Variants in FBN3 observed in about 807,000 individuals in gnomAD.
The protein encoded by FBN3 is fibrillin 3, also known as fibrillin-3.
A neutral mutation model predicts 330.1 loss-of-function variants in FBN3; 234 were observed. The ratio of observed to expected loss-of-function variants is 0.71; its 90% CI spans 0.64 to 0.79. The LOEUF is 0.79. Among genes scored for constraint, FBN3 ranks in the 30% least tolerant of loss-of-function variants. The pLI is 0.00. For synonymous variants in FBN3, 1,458 were observed against 1,517.3 expected, an observed-to-expected ratio of 0.96 and a Z score of 0.91; for missense variants, 3,606 against 3,886.9, an observed-to-expected ratio of 0.93 and a Z score of 1.92.
intron 8 of FBN3, among the ~76,000 whole-genome samples, chr19:8,138,883 C>T (rs2083349332): frequency 6.6e-6 from 1 of 151,882 alleles, no homozygotes; most frequent in Non-Finnish European, 1.5e-5. Context: ...CTCATGTCTA[C>T]TAAAAATACA....
chr19:8,118,868 C>T, intron 26 of FBN3, 29 bp downstream of exon 26: 1 of 1,594,122 alleles, frequency 6.3e-7, no homozygotes, highest in Non-Finnish European at 8.6e-7. Flanking sequence ...GGCTAACACT[C>T]ACACTTGCAC....
rs2082600909 is a variant in FBN3, at chr19:8,112,056, G to A, written c.3882C>T (p.His1294=). The A allele has an allele frequency of 1.2e-6, 2 of 1,613,152 alleles. No homozygotes were observed. Among genetic ancestry groups the A allele is most frequent in the Admixed American group, 1.7e-5 (1 of 59,906 alleles). ...CEVGGHNCDS[H]ASCLNIPGSF... Reference sequence around the variant, plus strand: ...TCCCCGGGATGTTGAGACAGGAGGCGTGACTGTCACAGTTGTGTCCTCCAA... The same window carrying A: ...TCCCCGGGATGTTGAGACAGGAGGCATGACTGTCACAGTTGTGTCCTCCAA... Residue 1294 remains histidine (H), a synonymous_variant, in exon 31 of 64, where the codon CAC becomes CAT. Coordinates refer to ENST00000600128, the MANE Select transcript of FBN3 (RefSeq NM_032447.5).
intron 62 of FBN3, among the ~76,000 whole-genome samples, chr19:8,072,804 G>A (rs904559672): frequency 6.6e-6 from 1 of 152,146 alleles, no homozygotes; most frequent in Admixed American, 6.5e-5. Context: ...ACGGGTGTGT[G>A]CCATGTGGAC....
intron 40 of FBN3, 61 bp from the exon 41 acceptor site, chr19:8,101,033 A>G (rs767786115): frequency 8.6e-6 from 12 of 1,402,400 alleles, no homozygotes; most frequent in East Asian, 2.4e-5. Flanking sequence ...CCCGCTCCCA[A>G]TCTGGAGGGG....
chr19:8,085,190 C>A (rs575819339), intron 56 of FBN3, among the ~76,000 whole-genome samples, 173 bp downstream of exon 56: 3 of 151,202 alleles, frequency 2.0e-5, no homozygotes, highest in Non-Finnish European at 1.5e-5. Flanking sequence ...ATGGTGCACA[C>A]GTACTGGTTC....
At chr19:8,076,188 AT>A (rs1367352205) in intron 59 of FBN3, among the ~76,000 whole-genome samples, 1 of 151,836 alleles carries the variant, frequency 6.6e-6, no homozygotes, top group Non-Finnish European at 1.5e-5. Context: ...AGCTTCCAGA[AT>A]GGAAAAAAAA....
chr19:8,072,057 CCT>C lies in FBN3; in HGVS notation c.8077_8078del (p.Arg2693GlyfsTer10). 6.2e-7 allele frequency: 1 copy of C among 1,611,920 alleles called. No individual in the cohort carries two copies. Among genetic ancestry groups the C allele is most frequent in the Non-Finnish European group, 8.5e-7 (1 of 1,179,672 alleles). ...PRDRPRRSAH[R>X]DHQVNLATLD... Reference sequence around the variant, plus strand: ...GCAGCACCCATGTCACCTGGTGGTCCCTGTGGGCACTGCGTCGTGGCCGGTCC... The same window carrying C: ...GCAGCACCCATGTCACCTGGTGGTCCGTGGGCACTGCGTCGTGGCCGGTCC... On this transcript the variant is annotated frameshift_variant, in exon 63 of 64. Transcript: ENST00000600128. LOFTEE classifies it low-confidence loss of function (END_TRUNC).
Position 8,131,517 on chromosome 19 carries a change from C to G in FBN3, c.1990+37G>C. ...CGAGAACCGATGGAGGCATTCAGAC[C>G]AAGGAGGCGATGGGGACCGGGCAGC... On this transcript the variant is annotated intron_variant, in intron 15 of 63. Coordinates refer to ENST00000600128, the MANE Select transcript of FBN3 (RefSeq NM_032447.5). The surrounding 1 kb of genome is among the most constrained non-coding windows in gnomAD (Gnocchi z 4.5). The G allele has an allele frequency of 6.4e-7, 1 of 1,574,658 alleles. No individual in the cohort carries two copies. Among genetic ancestry groups the G allele is most frequent in the Non-Finnish European group, 8.6e-7 (1 of 1,157,480 alleles).
At chr19:8,127,177 C>T (rs2083015518) in intron 18 of FBN3, among the ~76,000 whole-genome samples, 1 of 151,602 alleles carries the variant, frequency 6.6e-6, no homozygotes, top group African/African-American at 2.4e-5. Context: ...CGTGCCTCAG[C>T]CTCCCAAGTA....
In FBN3 at chr19:8,133,279, C is replaced by T. The variant is rs74322898; in HGVS notation, c.1592-173G>A. The stretch of plus-strand genomic sequence containing the variant: ...TTGTATATTAGTCCGTCCGCTGGGA[C>T]GTTGAGTTCCCCGGGGCACGACCCC... On this transcript the variant is annotated intron_variant, in intron 13 of 63. Coordinates refer to ENST00000600128, the MANE Select transcript of FBN3 (RefSeq NM_032447.5). 8.1e-4 allele frequency among the ~76,000 whole-genome samples: 124 copies of T among 152,318 alleles called. 2 individuals are homozygous for T. In the East Asian group the frequency reaches 0.022, roughly 28 times the overall value.
rs200419930 is a variant in FBN3 at position 8,095,254 on chromosome 19, T to A, written c.5785+121A>T. ...CCAAAGTGCTGGGTATTTTTTTTTTTAAATCTTAAAATAAATGCTTGGGTA... is the reference window on the plus strand; with the variant it reads ...CCAAAGTGCTGGGTATTTTTTTTTTAAAATCTTAAAATAAATGCTTGGGTA... On this transcript the variant is annotated intron_variant, in intron 46 of 63. Transcript: ENST00000600128. 2,207 of 983,242 alleles carry A rather than the reference T, an allele frequency of 2.2e-3. 7 individuals carry two copies. The highest frequency in any genetic ancestry group is 2.7e-3 in the Non-Finnish European group (1,972 of 719,502). The allele number at this position is 983,242 out of a possible 1,614,324, so 60.9% of individuals were successfully genotyped here. A position where few individuals can be genotyped will look rare whatever the true frequency, so the allele number is the denominator to read the frequency against.
intron 19 of FBN3, 44 bp from the exon 20 acceptor site, chr19:8,126,649 C>T: frequency 6.3e-7 from 1 of 1,598,898 alleles, no homozygotes; most frequent in Non-Finnish European, 8.5e-7. Context: ...GCCGGCCCTA[C>T]ACCTGCACCC....
intron 8 of FBN3, among the ~76,000 whole-genome samples, chr19:8,139,394 C>T (rs767605685): frequency 1.1e-4 from 16 of 152,110 alleles, no homozygotes; most frequent in Non-Finnish European, 1.3e-4. Context: ...ATGGCCAATG[C>T]TCGCTCAGTG....
chr19:8,140,808 TGA>T (rs1190190913), intron 8 of FBN3, among the ~76,000 whole-genome samples: 3 of 151,906 alleles, frequency 2.0e-5, no homozygotes, highest in Admixed American at 1.3e-4. Flanking sequence ...CTTTAGCAGC[TGA>T]GAGAGGACCC....
rs35794930 is a variant in FBN3 at position 8,065,983 on chromosome 19, G to T, written c.8366C>A (p.Pro2789Gln). 3.0e-3 allele frequency: 4,822 copies of T among 1,612,228 alleles called. 17 individuals are homozygous for T. Among genetic ancestry groups the T allele is most frequent in the Middle Eastern group, 6.4e-3 (39 of 6,056 alleles). The change falls in exon 64 of 64, where the codon CCA (proline) becomes CAA (glutamine). Residue 2789 changes from proline (P) to glutamine (Q), a missense_variant. Transcript: ENST00000600128. ...SHMAGPWGVQ[P>Q]EGQPGPWGQA... ...GCCCCATGGCCCTGGCTGCCCCTCT[G>T]GCTGGACACCCCAGGGTCCTGCCAT...
Position 8,126,019 on chromosome 19 carries a change from TG to T in FBN3, c.2606-3del, listed in dbSNP as rs1184341979. 6.2e-7 allele frequency: 1 copy of T among 1,613,582 alleles called. No individual in the cohort carries two copies. The highest frequency in any genetic ancestry group is 1.1e-5 in the South Asian group (1 of 91,052). On this transcript the variant is annotated splice_region_variant and splice_polypyrimidine_tract_variant and intron_variant, in intron 21 of 63. Transcript: ENST00000600128. ...GGAAGGACTCACACTCGTTCACATC[TG>T]GGTAAGGAGGAGGGAAAGCCGGAGG...
At chr19:8,076,298 G>T (rs542552559) in intron 59 of FBN3, among the ~76,000 whole-genome samples, 1 of 148,320 alleles carries the variant, frequency 6.7e-6, no homozygotes, top group East Asian at 2.0e-4. Flanking sequence ...GTTTTAAACT[G>T]AATAGTCTGT....
intron 13 of FBN3, among the ~76,000 whole-genome samples, chr19:8,133,976 C>T (rs1181981499): frequency 6.6e-6 from 1 of 150,452 alleles, no homozygotes; most frequent in African/African-American, 2.4e-5. Context: ...CCCGTAATCC[C>T]AGCACTTTGG....
intron 55 of FBN3, 135 bp downstream of exon 55, chr19:8,086,065 T>TGGAGGGAACAGGCAGTG (rs2081943758): frequency 1.6e-5 from 4 of 245,132 alleles, no homozygotes; most frequent in African/African-American, 9.8e-5. Flanking sequence ...GAACAGGCAG[T>TGGAGGGAACAGGCAGTG]GGAGGGAACA....
Sources: allele counts gnomAD v4.1 joint callset (sites outside exome capture counted in the v4.1 genomes callset), GRCh38; gene constraint gnomAD v4.1.1; non-coding constraint Gnocchi (gnomAD v3.1); transcripts MANE v1.5; gene names NCBI Gene and HGNC (gene_info 2026-07-23, HGNC 2026-07-21).